The following RUVBL2 variants were observed in gnomAD, a reference collection of about 807,000 sequenced individuals.
The protein encoded by RUVBL2 is RuvB like AAA ATPase 2.
In RUVBL2, 9 loss-of-function variants were observed where a neutral mutation model predicts 57.9. The observed-to-expected ratio is 0.16, with a 90% CI of 0.09 to 0.27. RUVBL2 has a LOEUF of 0.27. Ranked by LOEUF, RUVBL2 falls within the 10% of genes least tolerant of loss-of-function variation. The pLI is 1.00. For synonymous variants in RUVBL2, 278 were observed against 264.6 expected (o/e 1.05, Z -0.49); for missense variants, 456 against 669.6 (o/e 0.68, Z 3.52).
At chr19:49,010,255 C>T (rs895052172) in intron 8 of RUVBL2, 189 bp downstream of exon 8, 88 of 697,018 alleles carry the variant, frequency 1.3e-4, no homozygotes, top group Non-Finnish European at 1.7e-4. Context: ...TTCGCATGGC[C>T]ACATGTGGCC....
At chr19:49,010,382 C>G in intron 8 of RUVBL2, 106 bp from the exon 9 acceptor site, 1 of 1,161,266 alleles carries the variant, frequency 8.6e-7, no homozygotes, top group Non-Finnish European at 1.3e-6. Flanking sequence ...CCTCCCAGCT[C>G]CATTTCCTGG....
chr19:48,999,619 T>C (rs937585375), intron 2 of RUVBL2, among the ~76,000 whole-genome samples: 14 of 152,264 alleles, frequency 9.2e-5, no homozygotes, highest in Middle Eastern at 3.4e-3. Context: ...CCGGGTATGT[T>C]TGCCTGGAAG....
chr19:48,993,645 C>T (rs763264591), upstream of RUVBL2: 1 of 581,426 alleles, frequency 1.7e-6, no homozygotes, highest in Non-Finnish European at 3.1e-6. Flanking sequence ...ATTTTGCAAT[C>T]GGCCTGAGCG....
At position 48,997,795 on chromosome 19, in the gene RUVBL2, G is replaced by A. The variant is rs144354109; in HGVS notation, c.13-1524G>A. Among the ~76,000 whole-genome samples the A allele has an allele frequency of 2.6e-4, 40 of 152,082 alleles. No individual in the cohort carries two copies. The East Asian group carries it at 7.0e-3, about 26-fold the overall frequency. On this transcript the variant is annotated intron_variant, in intron 1 of 14. Transcript: ENST00000595090. Reference sequence around the variant, plus strand: ...GTGAATAGTGCTGCCGTGAACACTCGTGTCCATGTTTTGTGTGGACCTCTG... The same window carrying A: ...GTGAATAGTGCTGCCGTGAACACTCATGTCCATGTTTTGTGTGGACCTCTG...
intron 1 of RUVBL2, among the ~76,000 whole-genome samples, chr19:48,998,066 C>G (rs568748990): frequency 2.0e-5 from 3 of 152,226 alleles, no homozygotes; most frequent in African/African-American, 7.2e-5. Context: ...GAATATTGAT[C>G]CATCCATCTC....
intron 6 of RUVBL2, among the ~76,000 whole-genome samples, chr19:49,009,228 C>CCTGTA (rs2039349732): frequency 7.2e-6 from 1 of 139,454 alleles, no homozygotes; most frequent in Admixed American, 7.5e-5. Flanking sequence ...GTAGCTCACT[C>CCTGTA]CTGTAATCCC....
intron 2 of RUVBL2, among the ~76,000 whole-genome samples, chr19:49,002,104 A>C (rs2039196123): frequency 6.6e-6 from 1 of 151,228 alleles, no homozygotes; most frequent in Non-Finnish European, 1.5e-5. Context: ...GCTGGAGTGC[A>C]GTGGGGCGAT....
chr19:49,015,471 C>A, intron 13 of RUVBL2, 101 bp from the exon 14 acceptor site: 1 of 970,324 alleles, frequency 1.0e-6, no homozygotes, highest in Non-Finnish European at 1.6e-6. Flanking sequence ...CCCTCACATG[C>A]CACACTCTGC....
chr19:49,006,060 G>A (rs900204616), intron 4 of RUVBL2, among the ~76,000 whole-genome samples: 6 of 152,246 alleles, frequency 3.9e-5, no homozygotes, highest in African/African-American at 1.2e-4. Flanking sequence ...TCGCCCTGGC[G>A]GGGACGCTTC....
At chr19:49,001,423 A>G (rs949724659) in intron 2 of RUVBL2, 29 of 150,692 alleles carry the variant, frequency 1.9e-4, no homozygotes, top group Admixed American at 9.3e-4. Context: ...CGGCCTCCCA[A>G]AGTGCTGGAA....
chr19:49,010,483 C>CCCCCCCCA lies in RUVBL2; in HGVS notation c.664-5_664-4insCCCCCCCA, dbSNP rs2039394281. 6.3e-7 allele frequency: 1 copy of CCCCCCCCA among 1,575,992 alleles called. No individual in the cohort carries two copies. Among genetic ancestry groups the CCCCCCCCA allele is most frequent in the Non-Finnish European group, 8.7e-7 (1 of 1,148,120 alleles). On this transcript the variant is annotated splice_polypyrimidine_tract_variant and splice_region_variant and intron_variant, in intron 8 of 14. Transcript: ENST00000595090. ...CGCCGTTCTTCCCCCACCCCCGCCC[C>CCCCCCCCA]ATAGACCAAGTTCGTGCAGTGCCCA...
intron 13 of RUVBL2, 168 bp downstream of exon 13, chr19:49,015,318 A>G (rs753308): frequency 0.6 from 521,123 of 862,206 alleles, 162,851 homozygotes; most frequent in African/African-American, 0.9. Context: ...TATAGTAGGT[A>G]TCAGTAAATC....
intron 2 of RUVBL2, among the ~76,000 whole-genome samples, chr19:49,002,824 A>G (rs983710808): frequency 1.3e-5 from 2 of 152,062 alleles, no homozygotes; most frequent in Non-Finnish European, 2.9e-5. Flanking sequence ...ACCTCCAGTG[A>G]TCCGCCCGCC....
chr19:48,999,339 G>A lies in RUVBL2; in HGVS notation c.33G>A (p.Pro11=), dbSNP rs764729671. The A allele has an allele frequency of 3.1e-5, 50 of 1,614,074 alleles. 1 individual carries two copies. The highest frequency in any genetic ancestry group is 4.5e-5 in the East Asian group (2 of 44,900). The change falls in exon 2 of 15, where the codon CCG becomes CCA. Residue 11 remains proline, a synonymous_variant. Transcript: ENST00000595090. The part of the protein sequence containing the change: MATVTATTKV[P]EIRDVTRIER... Reference sequence around the variant, plus strand: ...CCCAGACAGCCACAACCAAAGTCCCGGAGATCCGTGATGTAACAAGGATTG... The same window carrying A: ...CCCAGACAGCCACAACCAAAGTCCCAGAGATCCGTGATGTAACAAGGATTG...
intron 4 of RUVBL2, among the ~76,000 whole-genome samples, chr19:49,006,671 C>T (rs1319497998): frequency 6.6e-6 from 1 of 152,240 alleles, no homozygotes; most frequent in Non-Finnish European, 1.5e-5. Flanking sequence ...GGCCTTCGTC[C>T]CTGGTCCCCT....
intron 2 of RUVBL2, among the ~76,000 whole-genome samples, chr19:49,002,686 G>A (rs1200498577): frequency 6.6e-6 from 1 of 152,212 alleles, no homozygotes; most frequent in Admixed American, 6.5e-5. Context: ...CCAGGTTCAA[G>A]CAATTCTCCT....
chr19:49,000,007 T>C (rs1337960094), intron 2 of RUVBL2, among the ~76,000 whole-genome samples: 3 of 152,146 alleles, frequency 2.0e-5, no homozygotes, highest in Non-Finnish European at 4.4e-5. Flanking sequence ...GGCTCACTGA[T>C]TCAGGGCATC....
chr19:49,006,505 G>T lies in RUVBL2; in HGVS notation c.266-513G>T, dbSNP rs114099947. 4.4e-3 allele frequency among the ~76,000 whole-genome samples: 673 copies of T among 152,344 alleles called. 2 individuals carry two copies. Among genetic ancestry groups the T allele is most frequent in the African/African-American group, 0.015 (632 of 41,576 alleles). On this transcript the variant is annotated intron_variant, in intron 4 of 14. Transcript: ENST00000595090. Reference sequence around the variant, plus strand: ...GTCATCCCATGCTGGCACGTGTTCTGTTATCATCCCCATTAGACAGAGGGG... The same window carrying T: ...GTCATCCCATGCTGGCACGTGTTCTTTTATCATCCCCATTAGACAGAGGGG...
At chr19:49,007,462 A>G (rs1402732318) in intron 6 of RUVBL2, 94 bp downstream of exon 6, 1 of 1,166,242 alleles carries the variant, frequency 8.6e-7, no homozygotes, top group Admixed American at 2.2e-5. Context: ...TCAGAATCCC[A>G]TGGAATGTTC....
Sources: gnomAD v4.1 joint callset for allele counts (sites outside exome capture counted in the v4.1 genomes callset) on GRCh38, gnomAD v4.1.1 for gene constraint, MANE v1.5 for transcripts, NCBI Gene and HGNC (gene_info 2026-07-23, HGNC 2026-07-21) for gene names.